PLXNB1: variants seen among roughly 807,000 people sequenced by gnomAD.
PLXNB1 encodes the protein plexin-B1.
A neutral mutation model predicts 209.4 loss-of-function variants in PLXNB1; 106 were observed. That is an observed-to-expected ratio of 0.51 (90% CI 0.43 to 0.59). The LOEUF (loss-of-function observed/expected upper bound fraction) is 0.59. PLXNB1 is among the 20% of genes least tolerant of loss of function. The pLI is 0.00. For missense variants in PLXNB1, 2,357 were observed against 2,853.2 expected (o/e 0.83, Z 3.96); for synonymous variants, 1,167 against 1,183.2 (o/e 0.99, Z 0.28).
chr3:48,428,698 T>G (rs2039022533), intron 1 of PLXNB1, among the ~76,000 whole-genome samples: 1 of 151,564 alleles, frequency 6.6e-6, no homozygotes, highest in Admixed American at 6.6e-5. Context: ...CTGCCCGCCC[T>G]GTTTTCTGTG....
rs2037619728 is a variant in PLXNB1, at chr3:48,410,641, C to T, written c.5417-83G>A. 2 of 1,182,412 alleles carry T rather than the reference C, an allele frequency of 1.7e-6. No individual in the cohort carries two copies. The highest frequency in any genetic ancestry group is 2.4e-5 in the East Asian group (1 of 41,318). The allele number at this position is 1,182,412 out of a possible 1,614,324, so 73.2% of individuals were successfully genotyped here. Reference sequence around the variant, plus strand: ...GCCCATCTCCTCCTCCACAGGGACACCAGCCCCTCCATCATGGGGCAGCCT... The same window carrying T: ...GCCCATCTCCTCCTCCACAGGGACATCAGCCCCTCCATCATGGGGCAGCCT... On this transcript the variant is annotated intron_variant, in intron 29 of 37. Transcript: ENST00000296440. The surrounding 1 kb of genome is among the most constrained non-coding windows in gnomAD (Gnocchi z 6.4).
rs34897778 is a variant in PLXNB1 at position 48,410,881 on chromosome 3, G to A, written c.5403C>T (p.Arg1801=). The A allele has an allele frequency of 9.3e-4, 1,505 of 1,611,514 alleles. 10 individuals carry two copies. The highest frequency in any genetic ancestry group is 9.2e-3 in the African/African-American group (693 of 75,004). ...CCACGCCCTCACCAACATCAAGGGT[G>A]CGAGGGTCTGGCCGCTGGGTGAGAG... ...GVPLTQRPDP[R]TLDVEWRSGV... Residue 1801 remains arginine, a synonymous_variant, in exon 29 of 38, where the codon CGC becomes CGT. Coordinates refer to ENST00000296440, the MANE Select transcript of PLXNB1 (RefSeq NM_001130082.3). The surrounding 1 kb of genome is among the most constrained non-coding windows in gnomAD (Gnocchi z 6.4).
Position 48,415,763 on chromosome 3 carries a change from G to A in PLXNB1, c.3618-4C>T, listed in dbSNP as rs2038048674. On this transcript the variant is annotated splice_region_variant and splice_polypyrimidine_tract_variant and intron_variant, in intron 18 of 37. Coordinates refer to ENST00000296440, the MANE Select transcript of PLXNB1 (RefSeq NM_001130082.3). This position sits in a 1 kb window ranked among gnomAD's most constrained non-coding sequence, Gnocchi z 5.0. ...TTCTGACTGCTGCTCCGGCAGCCTG[G>A]GAGGGGAGGTGGGAATGAATGCAGG... 2 of 1,540,800 alleles carry A rather than the reference G, an allele frequency of 1.3e-6. No individual in the cohort carries two copies. Among genetic ancestry groups the A allele is most frequent in the African/African-American group, 1.4e-5 (1 of 72,892 alleles).
Position 48,415,694 on chromosome 3 carries a change from A to T in PLXNB1, c.3683T>A (p.Leu1228His). 1 of 1,556,894 alleles carries T rather than the reference A, an allele frequency of 6.4e-7. No homozygotes were observed. Among genetic ancestry groups the T allele is most frequent in the Non-Finnish European group, 8.7e-7 (1 of 1,149,640 alleles). Residue 1228 changes from leucine (L) to histidine (H), a missense_variant, in exon 19 of 38, where the codon CTC (leucine) becomes CAC (histidine). By Grantham distance (99) the Leu-to-His change is moderately conservative. Coordinates refer to ENST00000296440, the MANE Select transcript of PLXNB1 (RefSeq NM_001130082.3). This position sits in a 1 kb window ranked among gnomAD's most constrained non-coding sequence, Gnocchi z 5.0. ...GGCCCCAAACCACACAGCCACAGGG[A>T]GCGTGGCAGGCGTGGGGCGTGGGCT... ...ETSPRPTPAT[L>H]PVAVWFGATE...
rs1466144007 is a variant in PLXNB1 at position 48,409,904 on chromosome 3, C to T, written c.5778+1G>A. 1 of 1,609,324 alleles carries T rather than the reference C, an allele frequency of 6.2e-7. No homozygotes were observed. The highest frequency in any genetic ancestry group is 8.5e-7 in the Non-Finnish European group (1 of 1,178,112). ...CCACTACCTTGGCAGCCCCACCCCA[C>T]CTTCATGGACAGCAGGCGGGTCAGG... On this transcript the variant is annotated splice_donor_variant, in intron 32 of 37. Transcript: ENST00000296440. LOFTEE classifies it high-confidence loss of function. The surrounding 1 kb of genome is among the most constrained non-coding windows in gnomAD (Gnocchi z 5.8).
Position 48,419,737 on chromosome 3 carries a change from G to A in PLXNB1, c.2549C>T (p.Pro850Leu). Reference protein sequence around the residue: ...DWLTREGGELPEADEWTGGDA... With the variant: ...DWLTREGGELLEADEWTGGDA... Reference sequence around the variant, plus strand: ...ACCCCCCGTCCACTCGTCCGCCTCGGGCAGCTCGCCGCCTTCTCTCGTGAG... The same window carrying A: ...ACCCCCCGTCCACTCGTCCGCCTCGAGCAGCTCGCCGCCTTCTCTCGTGAG... The change falls in exon 11 of 38, where the codon CCC (proline) becomes CTC (leucine). Residue 850 changes from proline (P) to leucine (L), a missense_variant. Transcript: ENST00000296440. The surrounding 1 kb of genome is among the most constrained non-coding windows in gnomAD (Gnocchi z 5.7). The A allele has an allele frequency of 1.2e-6, 2 of 1,610,776 alleles. No individual in the cohort carries two copies. Among genetic ancestry groups the A allele is most frequent in the Non-Finnish European group, 1.7e-6 (2 of 1,179,320 alleles).
At chr3:48,414,185 C>T (rs2037909772) in intron 21 of PLXNB1, 114 bp from the exon 22 acceptor site, 1 of 961,642 alleles carries the variant, frequency 1.0e-6, no homozygotes, top group South Asian at 1.4e-5. Context: ...GACAGCCTCT[C>T]AGCACCCTTC....
In PLXNB1 at chr3:48,407,093, T is replaced by C; in HGVS notation, c.6088-2A>G. The C allele has an allele frequency of 6.2e-7, 1 of 1,613,758 alleles. No homozygotes were observed. The highest frequency in any genetic ancestry group is 8.5e-7 in the Non-Finnish European group (1 of 1,179,684). Reference sequence around the variant, plus strand: ...CAGAAGTTTGTTGATCGGGGAGTCCTGGACATAGCAGGAGGACAGCAAAAG... The same window carrying C: ...CAGAAGTTTGTTGATCGGGGAGTCCCGGACATAGCAGGAGGACAGCAAAAG... On this transcript the variant is annotated splice_acceptor_variant, in intron 34 of 37. Transcript: ENST00000296440. LOFTEE classifies it high-confidence loss of function.
Position 48,412,718 on chromosome 3 carries a change from CCAGGAAGATG to C in PLXNB1, c.4854+14_4854+23del. 5 of 1,609,650 alleles carry C rather than the reference CCAGGAAGATG, an allele frequency of 3.1e-6. No homozygotes were observed. Among genetic ancestry groups the C allele is most frequent in the Non-Finnish European group, 4.2e-6 (5 of 1,177,008 alleles). ...GAGAAGGGGCAGGGCCAGGGGCAGG[CCAGGAAGATG>C]CAGCTGGGGGTACCTTGGTGAGGAA... On this transcript the variant is annotated intron_variant, in intron 25 of 37. Transcript: ENST00000296440.
Position 48,422,786 on chromosome 3 carries a change from A to G in PLXNB1, c.1269T>C (p.Asp423=). 1.2e-6 allele frequency: 2 copies of G among 1,613,980 alleles called. No individual in the cohort carries two copies. Among genetic ancestry groups the G allele is most frequent in the Non-Finnish European group, 1.7e-6 (2 of 1,179,926 alleles). The change falls in exon 4 of 38, where the codon GAT becomes GAC. Residue 423 remains aspartate, a synonymous_variant. Coordinates refer to ENST00000296440, the MANE Select transcript of PLXNB1 (RefSeq NM_001130082.3). The stretch of plus-strand genomic sequence containing the variant: ...TCACCCTGTGCAGCTGCCCTTGACT[A>G]TCACCCAGGAAAGCGATGGTGTGTC... ...EDGHTIAFLG[D]SQGQLHRVYL...
chr3:48,412,122 G>A (rs1156508308), intron 27 of PLXNB1, 113 bp from the exon 28 acceptor site: 7 of 1,476,610 alleles, frequency 4.7e-6, no homozygotes, highest in Non-Finnish European at 6.6e-6. Context: ...AGGACAGGCT[G>A]AGCAGGAGTC....
rs2037698152 is a variant in PLXNB1 at position 48,411,777 on chromosome 3, G to A, written c.5247+86C>T. ...ACATCCAGGTACCACATCAGAAGCTGGTGTCCAGACCCCACACACCCACAC... is the reference window on the plus strand; with the variant it reads ...ACATCCAGGTACCACATCAGAAGCTAGTGTCCAGACCCCACACACCCACAC... On this transcript the variant is annotated intron_variant, in intron 28 of 37. Transcript: ENST00000296440. This position sits in a 1 kb window ranked among gnomAD's most constrained non-coding sequence, Gnocchi z 4.0. The A allele has an allele frequency of 2.7e-6, 4 of 1,460,990 alleles. No individual in the cohort carries two copies. Among genetic ancestry groups the A allele is most frequent in the Non-Finnish European group, 3.8e-6 (4 of 1,064,506 alleles). The allele number at this position is 1,460,990 out of a possible 1,614,324, so 90.5% of individuals were successfully genotyped here.
At chr3:48,414,375 G>A (rs1004588791) in intron 21 of PLXNB1, among the ~76,000 whole-genome samples, 1 of 152,188 alleles carries the variant, frequency 6.6e-6, no homozygotes, top group Non-Finnish European at 1.5e-5. Context: ...TCACCAGGGG[G>A]GTGATGATGC....
At position 48,411,593 on chromosome 3, in the gene PLXNB1, G is replaced by A. The variant is rs1419542454; in HGVS notation, c.5247+270C>T. ...CAGCTCAAGCCCATGGTCTAAGGTA[G>A]GGCTGGCTTCTCCCAAACCCTGGTT... is the stretch of plus-strand genomic sequence containing the variant. On this transcript the variant is annotated intron_variant, in intron 28 of 37. Transcript: ENST00000296440. This position sits in a 1 kb window ranked among gnomAD's most constrained non-coding sequence, Gnocchi z 4.0. 3.3e-5 allele frequency among the ~76,000 whole-genome samples: 5 copies of A among 152,202 alleles called. No individual in the cohort carries two copies.
rs112785822 is a variant in PLXNB1 at position 48,418,148 on chromosome 3, T to G, written c.3222+43A>C. On this transcript the variant is annotated intron_variant, in intron 15 of 37. Coordinates refer to ENST00000296440, the MANE Select transcript of PLXNB1 (RefSeq NM_001130082.3). The surrounding 1 kb of genome is among the most constrained non-coding windows in gnomAD (Gnocchi z 6.6). ...CCTTTGGGCCCCCACACCCTCCCTC[T>G]AAGGGCAGCACTGAGGAAGGGATGG... 1.1e-5 allele frequency: 18 copies of G among 1,610,362 alleles called. No homozygotes were observed. In the African/African-American group the frequency reaches 2.0e-4, roughly 18 times the overall value.
At position 48,419,542 on chromosome 3, in the gene PLXNB1, C is replaced by G; in HGVS notation, c.2709+35G>C. The G allele has an allele frequency of 6.4e-7, 1 of 1,572,776 alleles. No individual in the cohort carries two copies. Among genetic ancestry groups the G allele is most frequent in the South Asian group, 1.1e-5 (1 of 87,658 alleles). ...AGGGGTAGCATCTTCCCCACATCCC[C>G]TCCCCTGAGGCCTCCTTCCTGGGCT... On this transcript the variant is annotated intron_variant, in intron 11 of 37. Transcript: ENST00000296440. The surrounding 1 kb of genome is among the most constrained non-coding windows in gnomAD (Gnocchi z 5.7).
Position 48,421,243 on chromosome 3 carries a change from G to A in PLXNB1, c.1795C>T (p.Leu599=). ...PSPDPSEAPV[L]PRGADYVSVS... Reference sequence around the variant, plus strand: ...TCTCACCCACCGGCTCCTCTCGGCAGCACTGGGGCCTCACTAGGGTCTGGG... The same window carrying A: ...TCTCACCCACCGGCTCCTCTCGGCAACACTGGGGCCTCACTAGGGTCTGGG... The change falls in exon 8 of 38, where the codon CTG becomes TTG. Residue 599 remains leucine, a synonymous_variant. Transcript: ENST00000296440. 3 of 1,613,276 alleles carry A rather than the reference G, an allele frequency of 1.9e-6. No individual in the cohort carries two copies. Among genetic ancestry groups the A allele is most frequent in the Non-Finnish European group, 2.5e-6 (3 of 1,179,666 alleles).
Position 48,411,863 on chromosome 3 carries a change from C to G in PLXNB1, c.5247G>C (p.Leu1749=), listed in dbSNP as rs1457264096. 2 of 1,613,712 alleles carry G rather than the reference C, an allele frequency of 1.2e-6. No individual in the cohort carries two copies. Among genetic ancestry groups the G allele is most frequent in the Non-Finnish European group, 8.5e-7 (1 of 1,179,890 alleles). Residue 1749 remains leucine (L), a splice_region_variant and synonymous_variant, in exon 28 of 38, where the codon CTG becomes CTC. Transcript: ENST00000296440. This position sits in a 1 kb window ranked among gnomAD's most constrained non-coding sequence, Gnocchi z 4.0. ...AGGCCACACACTTGCACACCCTCAC[C>G]AGGGGACGGTACTCCACATCCTCTC... The part of the protein sequence containing the change: ...LLREDVEYRP[L]TLNALLAVGP...
intron 10 of PLXNB1, 47 bp downstream of exon 10, chr3:48,420,618 G>A (rs1560068143): frequency 6.8e-7 from 1 of 1,474,350 alleles, no homozygotes. Context: ...CTCTCACACT[G>A]GGACCCCCAA....
Sources: gnomAD v4.1 joint callset for allele counts (sites outside exome capture counted in the v4.1 genomes callset) on GRCh38, gnomAD v4.1.1 for gene constraint, Gnocchi (gnomAD v3.1) non-coding constraint, MANE v1.5 for transcripts, NCBI Gene and HGNC (gene_info 2026-07-23, HGNC 2026-07-21) for gene names.